The following DCAF8 variants were observed in gnomAD, a reference collection of about 807,000 sequenced individuals.
DCAF8 encodes DDB1 and CUL4 associated factor 8.
DCAF8 carries 20 observed loss-of-function variants against 68.0 expected under a neutral mutation model. The ratio of observed to expected loss-of-function variants is 0.29; its 90% confidence interval spans 0.21 to 0.43. DCAF8 has a LOEUF of 0.43. DCAF8 is among the 20% of genes least tolerant of loss of function. The pLI is 1.00. For missense variants in DCAF8, 460 were observed against 771.0 expected (o/e 0.60, Z 4.78); for synonymous variants, 230 against 276.9 (o/e 0.83, Z 1.68).
chr1:160,253,318 T>C (rs989559700), intron 2 of DCAF8, among the ~76,000 whole-genome samples: 1 of 151,990 alleles, frequency 6.6e-6, no homozygotes, highest in East Asian at 1.9e-4. Context: ...CTGGGCAACA[T>C]CAGGAGACCC....
intron 10 of DCAF8, among the ~76,000 whole-genome samples, chr1:160,224,048 A>G (rs1402799715): frequency 6.6e-6 from 1 of 152,150 alleles, no homozygotes; most frequent in Non-Finnish European, 1.5e-5. Context: ...TGCCTCATCT[A>G]AAAGAATTGT....
At chr1:160,259,554 A>AAAC (rs1656982147) in intron 2 of DCAF8, among the ~76,000 whole-genome samples, 2 of 152,084 alleles carry the variant, frequency 1.3e-5, no homozygotes, top group African/African-American at 4.8e-5. Flanking sequence ...AAACAAAAAA[A>AAAC]ACCTCTTCAT....
intron 6 of DCAF8, 123 bp downstream of exon 6, chr1:160,237,012 A>G: frequency 3.3e-6 from 2 of 611,036 alleles, no homozygotes; most frequent in East Asian, 3.0e-5. Flanking sequence ...ACCTTAAACT[A>G]CCTCTTAACC....
At chr1:160,243,896 T>C in intron 3 of DCAF8, 64 bp downstream of exon 3, 1 of 1,539,932 alleles carries the variant, frequency 6.5e-7, no homozygotes, top group South Asian at 1.1e-5. Context: ...CACTCTATCT[T>C]GCAGGGAGGA....
intron 7 of DCAF8, 85 bp downstream of exon 7, chr1:160,231,212 G>GT: frequency 1.1e-6 from 1 of 920,768 alleles, no homozygotes; most frequent in East Asian, 2.5e-5. Flanking sequence ...TATAAAATTC[G>GT]TAACTCTCCA....
At chr1:160,238,001 C>T (rs1016925731) in intron 5 of DCAF8, among the ~76,000 whole-genome samples, 1 of 152,170 alleles carries the variant, frequency 6.6e-6, no homozygotes, top group Non-Finnish European at 1.5e-5. Flanking sequence ...TTTCACATAT[C>T]CTGGGCCGCC....
intron 6 of DCAF8, among the ~76,000 whole-genome samples, chr1:160,233,442 C>CTAT (rs1655763752): frequency 6.6e-6 from 1 of 152,136 alleles, no homozygotes; most frequent in Non-Finnish European, 1.5e-5. Flanking sequence ...AAATGAATGT[C>CTAT]ATTAGGGGAA....
intron 10 of DCAF8, among the ~76,000 whole-genome samples, chr1:160,223,067 C>T (rs1392152647): frequency 1.3e-5 from 2 of 152,220 alleles, no homozygotes; most frequent in Non-Finnish European, 2.9e-5. Flanking sequence ...ACCTGTCCCA[C>T]CCTGAATCAT....
intron 2 of DCAF8, among the ~76,000 whole-genome samples, chr1:160,251,808 C>T (rs756336097): frequency 5.9e-5 from 9 of 152,092 alleles, no homozygotes; most frequent in Non-Finnish European, 1.3e-4. Context: ...GGCACTGAAA[C>T]TCAAAGGATG....
chr1:160,220,454 A>G (rs1655259342), intron 11 of DCAF8: 1 of 152,268 alleles, frequency 6.6e-6, no homozygotes, highest in African/African-American at 2.4e-5. Context: ...AATAACATAC[A>G]GTACCTGAAT....
chr1:160,218,171 A>C, intron 13 of DCAF8, 153 bp downstream of exon 13: 1 of 691,612 alleles, frequency 1.4e-6, no homozygotes, highest in South Asian at 1.7e-5. Context: ...TGTCTCTTCC[A>C]AGGCTATATC....
chr1:160,259,251 T>C (rs978139431), intron 2 of DCAF8, among the ~76,000 whole-genome samples: 2 of 152,174 alleles, frequency 1.3e-5, no homozygotes, highest in Admixed American at 1.3e-4. Flanking sequence ...AAAGAACTCT[T>C]TGGCCGGGCA....
intron 8 of DCAF8, 130 bp from the exon 9 acceptor site, chr1:160,225,249 G>T: frequency 1.2e-6 from 1 of 869,096 alleles, no homozygotes. Flanking sequence ...ACAGAGACAA[G>T]AGTACAACTG....
At position 160,247,660 on chromosome 1, in the gene DCAF8, A is replaced by G. The variant is rs78595702; in HGVS notation, c.-26-3626T>C. Among the ~76,000 whole-genome samples, 1,320 of 152,332 alleles carry G rather than the reference A, an allele frequency of 8.7e-3. 8 individuals are homozygous for G. Among genetic ancestry groups the G allele is most frequent in the Middle Eastern group, 0.024 (7 of 294 alleles). ...CTCAAATCAGAAAATTCAAAATCCAAAATGCTCCAACGAGTATTTCCTTTG... is the reference window on the plus strand; with the variant it reads ...CTCAAATCAGAAAATTCAAAATCCAGAATGCTCCAACGAGTATTTCCTTTG... On this transcript the variant is annotated intron_variant, in intron 2 of 13. Coordinates refer to ENST00000368074, the MANE Select transcript of DCAF8 (RefSeq NM_015726.4).
At chr1:160,244,116 T>C (rs1656227564) in intron 2 of DCAF8, 82 bp from the exon 3 acceptor site, 4 of 999,854 alleles carry the variant, frequency 4.0e-6, no homozygotes, top group Non-Finnish European at 6.3e-6. Context: ...GATTTAACAA[T>C]GTACAGGTTT....
chr1:160,243,753 T>G (rs1445197672), intron 3 of DCAF8, among the ~76,000 whole-genome samples: 1 of 152,218 alleles, frequency 6.6e-6, no homozygotes, highest in Non-Finnish European at 1.5e-5. Context: ...GCTCTGTTAT[T>G]GATATTTTGA....
chr1:160,218,179 A>T, intron 13 of DCAF8, 145 bp downstream of exon 13: 1 of 703,024 alleles, frequency 1.4e-6, no homozygotes, highest in African/African-American at 1.8e-5. Context: ...CCAAGGCTAT[A>T]TCAGGGATCT....
rs1011454160 is a variant in DCAF8, at chr1:160,262,546, G to T, written c.-198C>A. The stretch of plus-strand genomic sequence containing the variant: ...CCGTTTGCGACGATGTGCTCGAGAA[G>T]ACTGAGGGAAGAGTGGTCGCGCGAG... On this transcript the variant is annotated 5_prime_UTR_variant, in exon 1 of 14. Coordinates refer to ENST00000368074, the MANE Select transcript of DCAF8 (RefSeq NM_015726.4). 1 of 398,656 alleles carries T rather than the reference G, an allele frequency of 2.5e-6. No individual in the cohort carries two copies. The highest frequency in any genetic ancestry group is 2.1e-5 in the African/African-American group (1 of 48,756). 24.7% of individuals were successfully genotyped at this position (398,656 alleles called of 1,614,324 possible). A position where few individuals can be genotyped will look rare whatever the true frequency, so the allele number is the denominator to read the frequency against.
At position 160,240,342 on chromosome 1, in the gene DCAF8, C is replaced by G; in HGVS notation, c.78G>C (p.Met26Ile). 6.2e-7 allele frequency: 1 copy of G among 1,613,216 alleles called. No homozygotes were observed. Among genetic ancestry groups the G allele is most frequent in the Non-Finnish European group, 8.5e-7 (1 of 1,179,948 alleles). Residue 26 changes from methionine to isoleucine, a missense_variant, in exon 4 of 14, where the codon ATG (methionine) becomes ATC (isoleucine). Met to Ile is a conservative substitution (Grantham distance 10). Coordinates refer to ENST00000368074, the MANE Select transcript of DCAF8 (RefSeq NM_015726.4). ...NGSLSSSPEE[M>I]SGAEEGRETS... ...TCTCCCTCCCCTCTTCAGCTCCAGA[C>G]ATCTCCTCTGGACTGCTAGACAGGC...
Sources: allele counts gnomAD v4.1 joint callset (sites outside exome capture counted in the v4.1 genomes callset), GRCh38; gene constraint gnomAD v4.1.1; transcripts MANE v1.5; gene names NCBI Gene and HGNC (gene_info 2026-07-23, HGNC 2026-07-21).